The following ZNF395 variants were observed in gnomAD, a reference collection of about 807,000 sequenced individuals.
ZNF395 encodes the protein zinc finger protein 395, also known as HD gene regulatory region-binding protein 2.
A neutral mutation model predicts 57.7 loss-of-function variants in ZNF395; 20 were observed. The observed-to-expected ratio is 0.35, with a 90% CI of 0.24 to 0.50. The LOEUF (loss-of-function observed/expected upper bound fraction) is 0.50. ZNF395 is among the 20% of genes least tolerant of loss of function. The pLI is 0.97. For missense variants in ZNF395, 606 were observed against 671.2 expected (o/e 0.90, Z 1.07); for synonymous variants, 295 against 275.9 (o/e 1.07, Z -0.69).
Position 28,356,787 on chromosome 8 carries a change from C to T in ZNF395, c.474-8G>A. The T allele has an allele frequency of 6.2e-7, 1 of 1,611,700 alleles. No individual in the cohort carries two copies. Among genetic ancestry groups the T allele is most frequent in the South Asian group, 1.1e-5 (1 of 90,918 alleles). ...TCCACTGCGTCCGACTTCCTGGATTCACACGGATGAGTGGGAAATGTTACT... is the reference window on the plus strand; with the variant it reads ...TCCACTGCGTCCGACTTCCTGGATTTACACGGATGAGTGGGAAATGTTACT... On this transcript the variant is annotated splice_polypyrimidine_tract_variant and splice_region_variant and intron_variant, in intron 3 of 9. Coordinates refer to ENST00000344423, the MANE Select transcript of ZNF395 (RefSeq NM_018660.3). This position sits in a 1 kb window ranked among gnomAD's most constrained non-coding sequence, Gnocchi z 4.0.
rs895619894 is a variant in ZNF395 at position 28,349,068 on chromosome 8, G to A, written c.1430+57C>T. The stretch of plus-strand genomic sequence containing the variant: ...TCATCTGGGTGGGGTCGGAGTCCAC[G>A]CCACTGGAGACAGGGCACAGAAACC... On this transcript the variant is annotated intron_variant, in intron 9 of 9. Coordinates refer to ENST00000344423, the MANE Select transcript of ZNF395 (RefSeq NM_018660.3). The A allele has an allele frequency of 2.7e-5, 40 of 1,503,346 alleles. No individual in the cohort carries two copies. In the South Asian group the frequency reaches 3.1e-4, roughly 11 times the overall value. 93.1% of individuals were successfully genotyped at this position (1,503,346 alleles called of 1,614,324 possible). A position where few individuals can be genotyped will look rare whatever the true frequency, so the allele number is the denominator to read the frequency against.
chr8:28,378,005 G>C (rs947722993), intron 1 of ZNF395, among the ~76,000 whole-genome samples: 1 of 151,634 alleles, frequency 6.6e-6, no homozygotes. Context: ...CAATCCACCC[G>C]CCTCGGCCTC....
intron 4 of ZNF395, among the ~76,000 whole-genome samples, chr8:28,355,755 T>C (rs964449870): frequency 2.0e-5 from 3 of 152,238 alleles, no homozygotes; most frequent in South Asian, 2.1e-4. Context: ...GTCCTCATAA[T>C]GCAATGACTT....
chr8:28,372,869 T>A (rs1801994068), intron 1 of ZNF395, among the ~76,000 whole-genome samples: 1 of 152,106 alleles, frequency 6.6e-6, no homozygotes, highest in Non-Finnish European at 1.5e-5. Flanking sequence ...GAGGGCAAGC[T>A]AAGAAGGCAG....
chr8:28,346,902 GCCTGGCTTTGAGCTTTA>G lies in ZNF395; in HGVS notation c.*1800_*1816del. The G allele has an allele frequency of 6.6e-6, 1 of 152,002 alleles. No homozygotes were observed. The highest frequency in any genetic ancestry group is 2.1e-4 in the South Asian group (1 of 4,806). The allele number at this position is 152,002 out of a possible 1,614,324, so 9.4% of individuals were successfully genotyped here. On this transcript the variant is annotated 3_prime_UTR_variant, in exon 10 of 10. Coordinates refer to ENST00000344423, the MANE Select transcript of ZNF395 (RefSeq NM_018660.3). ...GAGAGCCCTGCGCCACCTCAGGCTAGCCTGGCTTTGAGCTTTACCAAGAGACAGAATTCCACATACAT... is the reference window on the plus strand; with the variant it reads ...GAGAGCCCTGCGCCACCTCAGGCTAGCCAAGAGACAGAATTCCACATACAT...
At chr8:28,366,068 G>C (rs190584755) in intron 1 of ZNF395, among the ~76,000 whole-genome samples, 1 of 152,294 alleles carries the variant, frequency 6.6e-6, no homozygotes, top group East Asian at 1.9e-4. Context: ...CAAGTCATAA[G>C]TCAAAGTGAT....
Position 28,359,539 on chromosome 8 carries a change from ACAC to A in ZNF395, c.473+50_473+52del, listed in dbSNP as rs1329605118. ...CCACCACAACACAGCCCACACCCTT[ACAC>A]CACACTACCCACGTGACTTTTAAAA... is the stretch of plus-strand genomic sequence containing the variant. On this transcript the variant is annotated intron_variant, in intron 3 of 9. Coordinates refer to ENST00000344423, the MANE Select transcript of ZNF395 (RefSeq NM_018660.3). This position sits in a 1 kb window ranked among gnomAD's most constrained non-coding sequence, Gnocchi z 4.7. 30 of 1,538,208 alleles carry A rather than the reference ACAC, an allele frequency of 2.0e-5. No homozygotes were observed. In the African/African-American group the frequency reaches 4.1e-4, roughly 21 times the overall value.
intron 1 of ZNF395, among the ~76,000 whole-genome samples, chr8:28,376,896 T>C (rs575487327): frequency 6.6e-6 from 1 of 152,304 alleles, no homozygotes; most frequent in South Asian, 2.1e-4. Context: ...CTTCATCCCA[T>C]ATAAAAAGAG....
At chr8:28,378,866 T>C (rs1802077148) in intron 1 of ZNF395, among the ~76,000 whole-genome samples, 1 of 152,200 alleles carries the variant, frequency 6.6e-6, no homozygotes, top group African/African-American at 2.4e-5. Context: ...GGGCAGACAT[T>C]TCTTCTGTTG....
At chr8:28,361,960 A>C (rs928505567) in intron 1 of ZNF395, among the ~76,000 whole-genome samples, 2 of 151,960 alleles carry the variant, frequency 1.3e-5, no homozygotes, top group African/African-American at 2.4e-5. Flanking sequence ...GCATGGTGGC[A>C]CATGCCTGTA....
chr8:28,347,259 CCT>C lies in ZNF395; in HGVS notation c.*1458_*1459del, dbSNP rs1407554765. On this transcript the variant is annotated 3_prime_UTR_variant, in exon 10 of 10. Coordinates refer to ENST00000344423, the MANE Select transcript of ZNF395 (RefSeq NM_018660.3). ...CAGGACAGGTGGCTGGGTAGGATTCCCTGAGCCCCTGACAGCTGGGACATAGG... is the reference window on the plus strand; with the variant it reads ...CAGGACAGGTGGCTGGGTAGGATTCCGAGCCCCTGACAGCTGGGACATAGG... 1 of 152,218 alleles carries C rather than the reference CCT, an allele frequency of 6.6e-6. No individual in the cohort carries two copies. The highest frequency in any genetic ancestry group is 6.5e-5 in the Admixed American group (1 of 15,274). 9.4% of individuals were successfully genotyped at this position (152,218 alleles called of 1,614,324 possible). A position where few individuals can be genotyped will look rare whatever the true frequency, so the allele number is the denominator to read the frequency against.
chr8:28,353,502 A>T (rs1801744229), intron 4 of ZNF395, 94 bp from the exon 5 acceptor site: 7 of 983,290 alleles, frequency 7.1e-6, no homozygotes, highest in Non-Finnish European at 1.0e-5. Context: ...AGAGGAGTTC[A>T]TTCATGGCAG....
intron 1 of ZNF395, among the ~76,000 whole-genome samples, chr8:28,385,849 G>C (rs929618103): frequency 1.4e-5 from 2 of 145,566 alleles, no homozygotes; most frequent in Non-Finnish European, 3.1e-5. Context: ...CGGCCCTGCC[G>C]CAGCGTCCCG....
Position 28,356,483 on chromosome 8 carries a change from G to A in ZNF395, c.583+187C>T, listed in dbSNP as rs183930371. 1.4e-4 allele frequency among the ~76,000 whole-genome samples: 22 copies of A among 152,362 alleles called. No individual in the cohort carries two copies. In the East Asian group the frequency reaches 3.9e-3, roughly 27 times the overall value. ...ACCAGGAAACTCCTCCCCAGGTGAG[G>A]AAACTGAGGAAAAAGAACGGAAGCA... On this transcript the variant is annotated intron_variant, in intron 4 of 9. Coordinates refer to ENST00000344423, the MANE Select transcript of ZNF395 (RefSeq NM_018660.3). The surrounding 1 kb of genome is among the most constrained non-coding windows in gnomAD (Gnocchi z 4.0).
At chr8:28,385,824 C>A (rs1802171739) in intron 1 of ZNF395, among the ~76,000 whole-genome samples, 1 of 147,376 alleles carries the variant, frequency 6.8e-6, no homozygotes, top group Non-Finnish European at 1.5e-5. Context: ...GCGGCAGCCA[C>A]CCCGCCCGCC....
At position 28,346,199 on chromosome 8, in the gene ZNF395, C is replaced by T. The variant is rs1411855017; in HGVS notation, c.*2520G>A. On this transcript the variant is annotated 3_prime_UTR_variant, in exon 10 of 10. Coordinates refer to ENST00000344423, the MANE Select transcript of ZNF395 (RefSeq NM_018660.3). ...TTTCCCAAGATAACTGCTTTGAAAA[C>T]CAGTCCCGTTAGTTTCTAAAAGCCC... 6.6e-6 allele frequency: 1 copy of T among 152,076 alleles called. No homozygotes were observed. Among genetic ancestry groups the T allele is most frequent in the African/African-American group, 2.4e-5 (1 of 41,418 alleles). The allele number at this position is 152,076 out of a possible 1,614,324, so 9.4% of individuals were successfully genotyped here.
In ZNF395 at chr8:28,346,446, C is replaced by G; in HGVS notation, c.*2273G>C. 6.5e-6 allele frequency: 1 copy of G among 152,708 alleles called. No homozygotes were observed. Among genetic ancestry groups the G allele is most frequent in the Non-Finnish European group, 1.5e-5 (1 of 68,362 alleles). 9.5% of individuals were successfully genotyped at this position (152,708 alleles called of 1,614,324 possible). On this transcript the variant is annotated 3_prime_UTR_variant, in exon 10 of 10. Transcript: ENST00000344423. ...GGTGGAAGGGAGGCAAGGAGGCCGC[C>G]AGTGCCAAGGAGGAGAGGGGGCACA...
At chr8:28,372,617 T>C (rs1801991544) in intron 1 of ZNF395, among the ~76,000 whole-genome samples, 1 of 152,090 alleles carries the variant, frequency 6.6e-6, no homozygotes, top group Non-Finnish European at 1.5e-5. Flanking sequence ...GCAGACCCCA[T>C]CTCTACAAAA....
rs1244858249 is a variant in ZNF395 at position 28,347,411 on chromosome 8, C to T, written c.*1308G>A. 1.4e-4 allele frequency: 21 copies of T among 152,316 alleles called. No homozygotes were observed. Among genetic ancestry groups the T allele is most frequent in the Admixed American group, 1.4e-3 (21 of 15,282 alleles). 9.4% of individuals were successfully genotyped at this position (152,316 alleles called of 1,614,324 possible). A position where few individuals can be genotyped will look rare whatever the true frequency, so the allele number is the denominator to read the frequency against. ...CCAAAACAGAAACATGCCCTGCCAT[C>T]CGGGCGTGGCTCACTCTGTCTTCGC... On this transcript the variant is annotated 3_prime_UTR_variant, in exon 10 of 10. Transcript: ENST00000344423.
Sources: gnomAD v4.1 joint callset for allele counts (sites outside exome capture counted in the v4.1 genomes callset) on GRCh38, gnomAD v4.1.1 for gene constraint, Gnocchi (gnomAD v3.1) non-coding constraint, MANE v1.5 for transcripts, NCBI Gene and HGNC (gene_info 2026-07-23, HGNC 2026-07-21) for gene names.